The following GRB2 variants were observed in gnomAD, a reference collection of about 807,000 sequenced individuals.
The protein encoded by GRB2 is growth factor receptor bound protein 2, also known as growth factor receptor-bound protein 2.
In GRB2, 2 loss-of-function variants were observed where a neutral mutation model predicts 27.4. That is an observed-to-expected ratio of 0.07 (90% CI 0.03 to 0.23). The LOEUF is 0.23. Ranked by LOEUF, GRB2 falls within the 10% of genes least tolerant of loss-of-function variation. The probability of loss-of-function intolerance (pLI) is 1.00; values close to 1 mark genes in which losing one functional copy is unlikely to be tolerated. For synonymous variants in GRB2, 94 were observed against 99.6 expected, an observed-to-expected ratio of 0.94 and a Z score of 0.33; for missense variants, 102 against 282.4, an observed-to-expected ratio of 0.36 and a Z score of 4.58.
chr17:75,357,982 C>T (rs2078744653), intron 2 of GRB2, among the ~76,000 whole-genome samples: 1 of 152,186 alleles, frequency 6.6e-6, no homozygotes, highest in African/African-American at 2.4e-5. Flanking sequence ...CCTGTAGTCC[C>T]AGCTACTCAG....
At chr17:75,387,206 A>G (rs1019570911) in intron 2 of GRB2, among the ~76,000 whole-genome samples, 20 of 152,008 alleles carry the variant, frequency 1.3e-4, no homozygotes, top group Non-Finnish European at 1.8e-4. Flanking sequence ...ACGGTGGCTC[A>G]AGCCTGTAAT....
At chr17:75,375,190 G>A (rs2078884304) in intron 2 of GRB2, among the ~76,000 whole-genome samples, 3 of 151,998 alleles carry the variant, frequency 2.0e-5, no homozygotes, top group African/African-American at 7.3e-5. Flanking sequence ...ATACAGATGT[G>A]AGCCAGCTAG....
intron 3 of GRB2, 70 bp from the exon 4 acceptor site, chr17:75,326,090 TGTGA>T: frequency 6.4e-7 from 1 of 1,569,838 alleles, no homozygotes; most frequent in South Asian, 1.1e-5. Flanking sequence ...GCCTTCAAAA[TGTGA>T]GTAACACAAC....
In GRB2 at chr17:75,367,131, A is replaced by G. The variant is rs1232314324; in HGVS notation, c.78+26420T>C. On this transcript the variant is annotated intron_variant, in intron 2 of 5. Transcript: ENST00000316804. ...AATTCAGAAAGTCTATGGTAATGGG[A>G]TCTAGTGTTGTCACAAAGGTTATAA... 2.0e-5 allele frequency among the ~76,000 whole-genome samples: 3 copies of G among 152,086 alleles called. No individual in the cohort carries two copies. In the East Asian group the frequency reaches 5.8e-4, roughly 29 times the overall value.
At chr17:75,398,374 T>C (rs757424704) in intron 1 of GRB2, among the ~76,000 whole-genome samples, 1 of 151,756 alleles carries the variant, frequency 6.6e-6, no homozygotes, top group Non-Finnish European at 1.5e-5. Context: ...GCTCAAGGGA[T>C]CCTCTCACCT....
rs1442436448 is a variant in GRB2, at chr17:75,358,350, TG to T, written c.79-25554del. ...ACTAGAGTTTTAAAACTCCAATTCA[TG>T]TTACTAAATATCTCCTACACTATGG... On this transcript the variant is annotated intron_variant, in intron 2 of 5. Transcript: ENST00000316804. Among the ~76,000 whole-genome samples, 5 of 152,182 alleles carry T rather than the reference TG, an allele frequency of 3.3e-5. No individual in the cohort carries two copies. In the East Asian group the frequency reaches 9.6e-4, roughly 29 times the overall value.
chr17:75,398,294 G>A (rs2079041658), intron 1 of GRB2, among the ~76,000 whole-genome samples: 1 of 151,490 alleles, frequency 6.6e-6, no homozygotes. Flanking sequence ...TTTCAGAAAG[G>A]GTCTCACTCT....
At chr17:75,396,251 CT>C (rs988749579) in intron 1 of GRB2, among the ~76,000 whole-genome samples, 2 of 149,764 alleles carry the variant, frequency 1.3e-5, no homozygotes, top group African/African-American at 2.5e-5. Flanking sequence ...TTTCTTTTCT[CT>C]TTTTTTTTGA....
At chr17:75,326,065 G>T in intron 3 of GRB2, 45 bp from the exon 4 acceptor site, 1 of 1,611,728 alleles carries the variant, frequency 6.2e-7, no homozygotes, top group African/African-American at 1.3e-5. Context: ...TCCCCACAAA[G>T]AAACGGGATA....
chr17:75,376,484 G>C (rs2078894595), intron 2 of GRB2, among the ~76,000 whole-genome samples: 3 of 148,034 alleles, frequency 2.0e-5, no homozygotes, highest in African/African-American at 7.4e-5. Flanking sequence ...CTGCACTGCT[G>C]CATTTCAGCC....
At chr17:75,399,433 T>A (rs1317542030) in intron 1 of GRB2, among the ~76,000 whole-genome samples, 1 of 147,740 alleles carries the variant, frequency 6.8e-6, no homozygotes, top group East Asian at 2.0e-4. Flanking sequence ...AGTGGCACGA[T>A]CTTGGCTCAC....
At chr17:75,391,814 A>G (rs1202656825) in intron 2 of GRB2, among the ~76,000 whole-genome samples, 4 of 29,028 alleles carry the variant, frequency 1.4e-4, no homozygotes, top group African/African-American at 1.6e-4. Context: ...TCTCAAAAAA[A>G]AAAAAAAAAA....
chr17:75,355,097 C>A (rs537259219), intron 2 of GRB2, among the ~76,000 whole-genome samples: 1 of 152,210 alleles, frequency 6.6e-6, no homozygotes, highest in Non-Finnish European at 1.5e-5. Context: ...CGTGAGCCAC[C>A]GCGCCTGGCC....
At chr17:75,346,736 A>G (rs150304295) in intron 2 of GRB2, among the ~76,000 whole-genome samples, 266 of 151,470 alleles carry the variant, frequency 1.8e-3, no homozygotes, top group African/African-American at 5.3e-3. Flanking sequence ...CACCTGGCTA[A>G]TTTTTGTATT....
chr17:75,398,287 C>T (rs2079041581), intron 1 of GRB2, among the ~76,000 whole-genome samples: 1 of 151,912 alleles, frequency 6.6e-6, no homozygotes, highest in African/African-American at 2.4e-5. Flanking sequence ...ATTTATTTTT[C>T]AGAAAGGGTC....
chr17:75,349,262 G>GT (rs1232522022), intron 2 of GRB2, among the ~76,000 whole-genome samples: 1 of 152,082 alleles, frequency 6.6e-6, no homozygotes, highest in Non-Finnish European at 1.5e-5. Context: ...ATGATAAATG[G>GT]TAATTACATA....
At chr17:75,405,284 CGGA>C (rs1208267180) in intron 1 of GRB2, 1 of 152,442 alleles carries the variant, frequency 6.6e-6, no homozygotes, top group Non-Finnish European at 1.5e-5. Flanking sequence ...AGCCAAGAGC[CGGA>C]GGAGGACGGT....
intron 2 of GRB2, among the ~76,000 whole-genome samples, chr17:75,342,781 T>TCA (rs1329912365): frequency 6.6e-6 from 1 of 152,122 alleles, no homozygotes; most frequent in Non-Finnish European, 1.5e-5. Flanking sequence ...GTGCAGTGGC[T>TCA]CACGCCTGTA....
chr17:75,363,012 A>G (rs1397409109), intron 2 of GRB2, among the ~76,000 whole-genome samples: 1 of 152,218 alleles, frequency 6.6e-6, no homozygotes, highest in Non-Finnish European at 1.5e-5. Flanking sequence ...AGGGAGAGTA[A>G]GTGCTCTAGG....
Sources: allele counts gnomAD v4.1 joint callset (sites outside exome capture counted in the v4.1 genomes callset), GRCh38; gene constraint gnomAD v4.1.1; transcripts MANE v1.5; gene names NCBI Gene and HGNC (gene_info 2026-07-23, HGNC 2026-07-21).